Variants in GLDN observed in about 807,000 individuals in gnomAD.
The protein encoded by GLDN is collomin.
In GLDN, 47 loss-of-function variants were observed where a neutral mutation model predicts 56.5. That is an observed-to-expected ratio of 0.83 (90% confidence interval 0.66 to 1.06). The LOEUF (loss-of-function observed/expected upper bound fraction) is 1.06, where lower values mean the gene tolerates loss of function less well. Among genes scored for constraint, GLDN ranks in the 50% least tolerant of loss-of-function variants. GLDN has a pLI of 0.00. For missense variants in GLDN, 782 were observed against 714.3 expected, an observed-to-expected ratio of 1.09 and a Z score of -1.08; for synonymous variants, 332 against 278.8, an observed-to-expected ratio of 1.19 and a Z score of -1.90.
intron 9 of GLDN, among the ~76,000 whole-genome samples, chr15:51,403,893 C>T (rs934136583): frequency 1.3e-5 from 2 of 152,192 alleles, no homozygotes; most frequent in Admixed American, 1.3e-4. Flanking sequence ...TCCTCTTTTA[C>T]AGCCCCCTTG....
At chr15:51,363,294 T>C (rs1025548739) in intron 1 of GLDN, among the ~76,000 whole-genome samples, 1 of 152,196 alleles carries the variant, frequency 6.6e-6, no homozygotes, top group Non-Finnish European at 1.5e-5. Context: ...AGACTGTTAT[T>C]TTTTCAAGTC....
chr15:51,350,376 A>C (rs2037054148), intron 1 of GLDN, among the ~76,000 whole-genome samples: 1 of 152,196 alleles, frequency 6.6e-6, no homozygotes. Context: ...ATGAGAGATT[A>C]GAGGCCTGAT....
At chr15:51,388,129 C>A (rs987196292) in intron 4 of GLDN, among the ~76,000 whole-genome samples, 2 of 152,146 alleles carry the variant, frequency 1.3e-5, no homozygotes, top group African/African-American at 4.8e-5. Context: ...TCAGATGTCA[C>A]CTCGTATACA....
At chr15:51,388,320 C>T (rs1147143) in intron 4 of GLDN, among the ~76,000 whole-genome samples, 5 of 152,166 alleles carry the variant, frequency 3.3e-5, no homozygotes, top group Non-Finnish European at 5.9e-5. Context: ...AATCGACCCA[C>T]GGTGATTATT....
chr15:51,404,184 A>T, intron 9 of GLDN, 93 bp from the exon 10 acceptor site: 1 of 946,788 alleles, frequency 1.1e-6, no homozygotes, highest in African/African-American at 1.6e-5. Flanking sequence ...CTCACCCCAG[A>T]CCCACTAACT....
intron 1 of GLDN, among the ~76,000 whole-genome samples, chr15:51,370,138 T>C (rs1261493387): frequency 1.3e-5 from 2 of 152,008 alleles, no homozygotes; most frequent in African/African-American, 4.8e-5. Context: ...AAAAAGAAAG[T>C]AGATGAAGGG....
chr15:51,394,298 G>C (rs2038078105), intron 4 of GLDN, among the ~76,000 whole-genome samples: 1 of 152,066 alleles, frequency 6.6e-6, no homozygotes, highest in African/African-American at 2.4e-5. Flanking sequence ...CAACCTGTTG[G>C]CTCAGCCAAA....
At chr15:51,348,198 T>A (rs771723673) in intron 1 of GLDN, among the ~76,000 whole-genome samples, 2 of 152,212 alleles carry the variant, frequency 1.3e-5, no homozygotes, top group Non-Finnish European at 2.9e-5. Flanking sequence ...TGCACCCACC[T>A]GAGGTTCATC....
chr15:51,375,533 G>C (rs2037611821), intron 1 of GLDN, among the ~76,000 whole-genome samples: 1 of 152,232 alleles, frequency 6.6e-6, no homozygotes, highest in Admixed American at 6.5e-5. Flanking sequence ...AGTCAGATTT[G>C]TTTTTTCTGA....
intron 4 of GLDN, among the ~76,000 whole-genome samples, chr15:51,392,166 G>A (rs1001645966): frequency 6.6e-6 from 1 of 152,186 alleles, no homozygotes; most frequent in African/African-American, 2.4e-5. Context: ...AAGGTGCTAA[G>A]AGCTCCAGGT....
intron 9 of GLDN, among the ~76,000 whole-genome samples, chr15:51,403,341 C>T (rs191434904): frequency 6.6e-6 from 1 of 152,288 alleles, no homozygotes; most frequent in East Asian, 1.9e-4. Context: ...GTGCAGGGAC[C>T]TTCCCAAGCC....
chr15:51,397,403 T>C, intron 5 of GLDN, 67 bp from the exon 6 acceptor site: 1 of 584,160 alleles, frequency 1.7e-6, no homozygotes, highest in Non-Finnish European at 2.5e-6. Flanking sequence ...CCCTTCTCTG[T>C]CCCTCTCTCC....
intron 5 of GLDN, 53 bp from the exon 6 acceptor site, chr15:51,397,417 T>TCCCCCTTCTACCTCTTG: frequency 1.2e-6 from 1 of 846,964 alleles, no homozygotes. Context: ...TCTCTCCCCT[T>TCCCCCTTCTACCTCTTG]CCCCCTTCTA....
At chr15:51,369,975 G>T (rs879374095) in intron 1 of GLDN, among the ~76,000 whole-genome samples, 2 of 152,136 alleles carry the variant, frequency 1.3e-5, no homozygotes, top group Admixed American at 1.3e-4. Context: ...AATTAGCCGG[G>T]CATGGTGCCG....
At chr15:51,369,719 T>C (rs904618325) in intron 1 of GLDN, among the ~76,000 whole-genome samples, 1 of 152,218 alleles carries the variant, frequency 6.6e-6, no homozygotes, top group Non-Finnish European at 1.5e-5. Context: ...CATTTTAAAT[T>C]ACACATCTAT....
At chr15:51,366,103 G>A (rs1439046503) in intron 1 of GLDN, among the ~76,000 whole-genome samples, 1 of 152,164 alleles carries the variant, frequency 6.6e-6, no homozygotes, top group East Asian at 1.9e-4. Context: ...ACTGTCTCAG[G>A]GTCAGCTGCA....
At chr15:51,367,750 T>C (rs531511091) in intron 1 of GLDN, among the ~76,000 whole-genome samples, 2 of 152,316 alleles carry the variant, frequency 1.3e-5, no homozygotes, top group South Asian at 4.1e-4. Context: ...TAGCCTCCTT[T>C]ACATATCAGC....
intron 2 of GLDN, 79 bp from the exon 3 acceptor site, chr15:51,383,357 G>C: frequency 6.9e-7 from 1 of 1,438,916 alleles, no homozygotes; most frequent in South Asian, 1.2e-5. Context: ...TAGATAATTA[G>C]GAGATTTGAA....
At chr15:51,395,981 C>T (rs2038119000) in intron 5 of GLDN, among the ~76,000 whole-genome samples, 1 of 152,108 alleles carries the variant, frequency 6.6e-6, no homozygotes, top group East Asian at 1.9e-4. Context: ...CGCAATAACT[C>T]ACTTATTACC....
Sources: gnomAD v4.1 joint callset for allele counts (sites outside exome capture counted in the v4.1 genomes callset) on GRCh38, gnomAD v4.1.1 for gene constraint, MANE v1.5 for transcripts, NCBI Gene and HGNC (gene_info 2026-07-23, HGNC 2026-07-21) for gene names.